Variants in CLEC16A observed in about 807,000 individuals in gnomAD.
CLEC16A encodes the protein C-type lectin domain containing 16A.
A neutral mutation model predicts 109.5 loss-of-function variants in CLEC16A; 51 were observed. The observed-to-expected ratio is 0.47, with a 90% CI of 0.37 to 0.59. The LOEUF (loss-of-function observed/expected upper bound fraction) is 0.59. Ranked by LOEUF, CLEC16A falls within the 20% of genes least tolerant of loss-of-function variation. CLEC16A has a pLI of 0.00. For synonymous variants in CLEC16A, 673 were observed against 564.2 expected, an observed-to-expected ratio of 1.19 and a Z score of -2.73; for missense variants, 1,339 against 1,394.0, an observed-to-expected ratio of 0.96 and a Z score of 0.63.
chr16:11,045,847 C>T (rs973830643), intron 16 of CLEC16A, among the ~76,000 whole-genome samples: 13 of 152,278 alleles, frequency 8.5e-5, no homozygotes, highest in East Asian at 1.9e-4. Flanking sequence ...TCGTTTTAAG[C>T]GACTGCATTA....
intron 13 of CLEC16A, among the ~76,000 whole-genome samples, chr16:11,030,184 C>T (rs916038792): frequency 1.3e-5 from 2 of 152,274 alleles, no homozygotes; most frequent in South Asian, 4.1e-4. Flanking sequence ...CTGCTGTGAG[C>T]ATTTGTGTGG....
At chr16:11,030,682 T>G (rs550763788) in intron 13 of CLEC16A, among the ~76,000 whole-genome samples, 57 of 152,374 alleles carry the variant, frequency 3.7e-4, no homozygotes, top group Non-Finnish European at 6.9e-4. Flanking sequence ...TCTCACTCTG[T>G]TGCCCAGGCC....
chr16:11,094,166 A>G (rs2050472125), intron 19 of CLEC16A, among the ~76,000 whole-genome samples: 1 of 152,188 alleles, frequency 6.6e-6, no homozygotes, highest in Non-Finnish European at 1.5e-5. Context: ...TCTTTTGTAC[A>G]GGGCCCCTTC....
intron 11 of CLEC16A, among the ~76,000 whole-genome samples, chr16:11,003,823 A>T (rs570867716): frequency 6.6e-6 from 1 of 152,090 alleles, no homozygotes; most frequent in Admixed American, 6.5e-5. Context: ...AAGAAAGAGG[A>T]TTTGTGTTTA....
chr16:10,969,249 G>A lies in CLEC16A; in HGVS notation c.432G>A (p.Ser144=), dbSNP rs766477807. ...SDEEIMAYYI[S]FLKTLSLKLN... is the part of the protein sequence containing the mutation. ...AGGAGATTATGGCCTATTATATATC[G>A]TTCCTGAAAACACTTTCGTTAAAAC... Residue 144 remains serine, a synonymous_variant, in exon 4 of 24, where the codon TCG becomes TCA. Coordinates refer to ENST00000409790, the MANE Select transcript of CLEC16A (RefSeq NM_015226.3). 20 of 1,609,702 alleles carry A rather than the reference G, an allele frequency of 1.2e-5. No individual in the cohort carries two copies. The highest frequency in any genetic ancestry group is 5.4e-5 in the African/African-American group (4 of 74,310).
intron 14 of CLEC16A, chr16:11,041,188 T>C (rs942460929): frequency 1.3e-5 from 2 of 152,260 alleles, no homozygotes; most frequent in Non-Finnish European, 2.9e-5. Context: ...CACTTCACTT[T>C]TCTAAGCCTC....
In CLEC16A at chr16:10,962,474, A is replaced by G; in HGVS notation, c.229A>G (p.Met77Val). Residue 77 changes from methionine to valine, a missense_variant, in exon 3 of 24, where the codon ATG (methionine) becomes GTG (valine). Met to Val is a conservative substitution (Grantham distance 21). This residue lies in a region of CLEC16A where 117 missense variants were observed against 120.2 expected (regional missense o/e 0.97). Transcript: ENST00000409790. ...SVFDFFLEKN[M>V]FVFFLNILRQ... ...CCCCAGCTTCTTCCTGGAGAAGAATATGTTTGTTTTCTTCTTGAACATCTT... is the reference window on the plus strand; with the variant it reads ...CCCCAGCTTCTTCCTGGAGAAGAATGTGTTTGTTTTCTTCTTGAACATCTT... 1.2e-6 allele frequency: 2 copies of G among 1,613,888 alleles called. No individual in the cohort carries two copies. The highest frequency in any genetic ancestry group is 1.7e-6 in the Non-Finnish European group (2 of 1,179,880).
chr16:11,053,895 C>T (rs1597220351), intron 18 of CLEC16A, among the ~76,000 whole-genome samples: 1 of 152,236 alleles, frequency 6.6e-6, no homozygotes, highest in Non-Finnish European at 1.5e-5. Flanking sequence ...GAAATCAGAG[C>T]CTTAGAGGTC....
chr16:10,962,445 C>T lies in CLEC16A; in HGVS notation c.210-10C>T. The stretch of plus-strand genomic sequence containing the variant: ...AGCAAGCCACTGATGCTTTTCCATT[C>T]TCTCCCCAGCTTCTTCCTGGAGAAG... On this transcript the variant is annotated splice_polypyrimidine_tract_variant and intron_variant, in intron 2 of 23. Transcript: ENST00000409790. 1 of 1,613,760 alleles carries T rather than the reference C, an allele frequency of 6.2e-7. No homozygotes were observed. Among genetic ancestry groups the T allele is most frequent in the South Asian group, 1.1e-5 (1 of 91,064 alleles).
chr16:11,106,439 C>T (rs2051224536), intron 19 of CLEC16A, among the ~76,000 whole-genome samples: 1 of 150,474 alleles, frequency 6.6e-6, no homozygotes, highest in South Asian at 2.1e-4. Context: ...CAGGTGTGAG[C>T]CACCACACCC....
At chr16:11,054,680 C>T (rs2048118329) in intron 18 of CLEC16A, among the ~76,000 whole-genome samples, 1 of 152,216 alleles carries the variant, frequency 6.6e-6, no homozygotes, top group African/African-American at 2.4e-5. Context: ...TTAATAATTT[C>T]TTTCTGAAGG....
At position 11,118,412 on chromosome 16, in the gene CLEC16A, G is replaced by A. The variant is rs79290378; in HGVS notation, c.2117-2203G>A. Among the ~76,000 whole-genome samples, 17 of 152,312 alleles carry A rather than the reference G, an allele frequency of 1.1e-4. No individual in the cohort carries two copies. In the East Asian group the frequency reaches 3.3e-3, roughly 29 times the overall value. ...TACAAATGGGAAAACTGGTTCTGAA[G>A]GGCCAAGTGCTGTACACATCCAATG... On this transcript the variant is annotated intron_variant, in intron 19 of 23. Coordinates refer to ENST00000409790, the MANE Select transcript of CLEC16A (RefSeq NM_015226.3).
In CLEC16A at chr16:11,178,739, C is replaced by G. The variant is rs1198594613; in HGVS notation, c.*49C>G. 7.3e-7 allele frequency: 1 copy of G among 1,363,622 alleles called. No individual in the cohort carries two copies. The highest frequency in any genetic ancestry group is 1.5e-5 in the African/African-American group (1 of 68,512). 84.5% of individuals were successfully genotyped at this position (1,363,622 alleles called of 1,614,324 possible). On this transcript the variant is annotated 3_prime_UTR_variant, in exon 24 of 24. Transcript: ENST00000409790. This position sits in a 1 kb window ranked among gnomAD's most constrained non-coding sequence, Gnocchi z 6.5. The stretch of plus-strand genomic sequence containing the variant: ...TGTGTGTGGCCCCGCTGGTAGGGAC[C>G]CCAGTGCCGCTGACTGGCAAGACAC...
chr16:11,137,384 G>C (rs193148057), intron 22 of CLEC16A, among the ~76,000 whole-genome samples: 1 of 152,032 alleles, frequency 6.6e-6, no homozygotes, highest in East Asian at 1.9e-4. Flanking sequence ...AAATCTCTCT[G>C]ACTAGCTCAA....
intron 10 of CLEC16A, among the ~76,000 whole-genome samples, chr16:10,996,200 G>A (rs1243779861): frequency 1.3e-5 from 2 of 152,168 alleles, no homozygotes; most frequent in Non-Finnish European, 2.9e-5. Context: ...TTGAGTCAAG[G>A]TATCTGATAT....
At chr16:10,964,684 G>C (rs918345513) in intron 3 of CLEC16A, among the ~76,000 whole-genome samples, 67 of 152,186 alleles carry the variant, frequency 4.4e-4, no homozygotes, top group African/African-American at 1.5e-3. Context: ...TTGAGATGGG[G>C]GTGGGGCGAT....
chr16:11,008,280 C>T (rs1597018492), intron 11 of CLEC16A, among the ~76,000 whole-genome samples: 1 of 152,180 alleles, frequency 6.6e-6, no homozygotes, highest in African/African-American at 2.4e-5. Context: ...CAGAGGGCAA[C>T]TGAGAAAATC....
chr16:11,017,211 C>G (rs1325652630), intron 11 of CLEC16A, among the ~76,000 whole-genome samples: 1 of 152,178 alleles, frequency 6.6e-6, no homozygotes, highest in South Asian at 2.1e-4. Context: ...CAAAACATCT[C>G]GTGTTGGGCT....
chr16:11,168,736 G>T (rs979439929), intron 23 of CLEC16A, among the ~76,000 whole-genome samples: 1 of 152,260 alleles, frequency 6.6e-6, no homozygotes, highest in Non-Finnish European at 1.5e-5. Context: ...GTTCCTTGTA[G>T]GGATGGGCCT....
Sources: gnomAD v4.1 joint callset for allele counts (sites outside exome capture counted in the v4.1 genomes callset) on GRCh38, gnomAD v4.1.1 for gene constraint, gnomAD v4.1.1 regional missense constraint, Gnocchi (gnomAD v3.1) non-coding constraint, MANE v1.5 for transcripts, NCBI Gene and HGNC (gene_info 2026-07-23, HGNC 2026-07-21) for gene names.